Variants in KIFC2 observed in about 807,000 individuals in gnomAD.
The protein encoded by KIFC2 is kinesin-like protein KIFC2.
In KIFC2, 94 loss-of-function variants were observed where a neutral mutation model predicts 91.5. That is an observed-to-expected ratio of 1.03 (90% CI 0.87 to 1.22). KIFC2 has a LOEUF of 1.22. Among genes scored for constraint, KIFC2 ranks in the 50% most tolerant of loss-of-function variants. The probability of loss-of-function intolerance (pLI) is 0.00; values close to 1 mark genes in which losing one functional copy is unlikely to be tolerated. For missense variants in KIFC2, 1,357 were observed against 1,103.3 expected, an observed-to-expected ratio of 1.23 and a Z score of -3.26; for synonymous variants, 729 against 503.9, an observed-to-expected ratio of 1.45 and a Z score of -5.98.
intron 7 of KIFC2, 138 bp from the exon 8 acceptor site, chr8:144,468,191 G>A (rs916740442): frequency 9.8e-7 from 1 of 1,024,758 alleles, no homozygotes; most frequent in East Asian, 2.6e-5. Flanking sequence ...AGGGACTGTG[G>A]GAAGGAGGTC....
rs766006780 is a variant in KIFC2 at position 144,467,306 on chromosome 8, A to C, written c.434A>C (p.Gln145Pro). 1.9e-6 allele frequency: 3 copies of C among 1,612,358 alleles called. No individual in the cohort carries two copies. In the South Asian group the frequency reaches 3.3e-5, roughly 18 times the overall value. The change falls in exon 4 of 18, where the codon CAG becomes CCG. Residue 145 changes from glutamine (Q) to proline (P), a missense_variant. Coordinates refer to ENST00000645548, the MANE Select transcript of KIFC2 (RefSeq NM_001369769.2). Reference protein sequence around the residue: ...RGRQALLQGTQPAPRVRPPSP... With the variant: ...RGRQALLQGTPPAPRVRPPSP... ...AGGCAGGCCCTGCTCCAGGGGACTC[A>C]GCCAGCCCCTCGGGTCCGGCCCCCC...
At chr8:144,466,937 C>A (rs767316443) in intron 2 of KIFC2, 22 bp from the exon 3 acceptor site, 3 of 1,582,878 alleles carry the variant, frequency 1.9e-6, no homozygotes, top group African/African-American at 2.7e-5. Context: ...AAATGTCTCC[C>A]GCCCTCCTCC....
intron 14 of KIFC2, 28 bp downstream of exon 14, chr8:144,472,287 T>C: frequency 6.2e-7 from 1 of 1,613,346 alleles, no homozygotes; most frequent in Non-Finnish European, 8.5e-7. Context: ...GGAGGCCTTC[T>C]CCCCACCCCT....
rs1043981803 is a variant in KIFC2 at position 144,468,217 on chromosome 8, G to A, written c.811-112G>A. 3.2e-5 allele frequency: 35 copies of A among 1,098,744 alleles called. No homozygotes were observed. The African/African-American group carries it at 4.5e-4, about 14-fold the overall frequency. The allele number at this position is 1,098,744 out of a possible 1,614,324, so 68.1% of individuals were successfully genotyped here. ...GAAGGAGGTCTGCGTGGAGCTGGGA[G>A]GCATGGGTTCACAGCCAGCTCTGCC... On this transcript the variant is annotated intron_variant, in intron 7 of 17. Transcript: ENST00000645548.
In KIFC2 at chr8:144,468,452, T is replaced by C. The variant is rs532306654; in HGVS notation, c.888+46T>C. 4.6e-5 allele frequency: 64 copies of C among 1,405,166 alleles called. No individual in the cohort carries two copies. The South Asian group carries it at 7.3e-4, about 16-fold the overall frequency. 87.0% of individuals were successfully genotyped at this position (1,405,166 alleles called of 1,614,324 possible). Reference sequence around the variant, plus strand: ...TCCATGGCTCAGGGGTGAGGCGGGCTGGGGTTTTGGGAGGGGCTTATCTGA... The same window carrying C: ...TCCATGGCTCAGGGGTGAGGCGGGCCGGGGTTTTGGGAGGGGCTTATCTGA... On this transcript the variant is annotated intron_variant, in intron 8 of 17. Transcript: ENST00000645548.
chr8:144,466,768 C>G lies in KIFC2; in HGVS notation c.108C>G (p.Arg36=). The part of the protein sequence containing the change: ...AEPGDPAQRA[R]KPRGRRRPDL... ...CCCTGCCCCCTCCCTAGAGAGCCCG[C>G]AAGCCCCGGGGTCGCCGGCGCCCAG... The change falls in exon 2 of 18, where the codon CGC becomes CGG. Residue 36 remains arginine, a synonymous_variant. Coordinates refer to ENST00000645548, the MANE Select transcript of KIFC2 (RefSeq NM_001369769.2). 2 of 1,531,458 alleles carry G rather than the reference C, an allele frequency of 1.3e-6. No homozygotes were observed. The highest frequency in any genetic ancestry group is 2.3e-4 in the Middle Eastern group (1 of 4,358). 94.9% of individuals were successfully genotyped at this position (1,531,458 alleles called of 1,614,324 possible). A position where few individuals can be genotyped will look rare whatever the true frequency, so the allele number is the denominator to read the frequency against.
rs771546903 is a variant in KIFC2, at chr8:144,466,784, C to T, written c.124C>T (p.Arg42Trp). The T allele has an allele frequency of 2.6e-6, 4 of 1,533,666 alleles. No homozygotes were observed. Among genetic ancestry groups the T allele is most frequent in the East Asian group, 2.4e-5 (1 of 40,824 alleles). ...GAGAGCCCGCAAGCCCCGGGGTCGC[C>T]GGCGCCCAGACCTGCCCGCGCCAGA... ...AQRARKPRGR[R>W]RPDLPAPELW... is the part of the protein sequence containing the mutation. Residue 42 changes from arginine (R) to tryptophan (W), a missense_variant, in exon 2 of 18, where the codon CGG becomes TGG. Transcript: ENST00000645548.
chr8:144,468,098 G>A (rs1357293825), intron 7 of KIFC2, 111 bp downstream of exon 7: 3 of 1,366,724 alleles, frequency 2.2e-6, no homozygotes, highest in Admixed American at 2.8e-5. Flanking sequence ...GTCTGTGTAG[G>A]GCAGCCCCAT....
rs1825030860 is a variant in KIFC2, at chr8:144,473,518, C to T, written c.*129C>T. 2.2e-6 allele frequency: 3 copies of T among 1,359,338 alleles called. No homozygotes were observed. Among genetic ancestry groups the T allele is most frequent in the African/African-American group, 1.5e-5 (1 of 67,132 alleles). 84.2% of individuals were successfully genotyped at this position (1,359,338 alleles called of 1,614,324 possible). A position where few individuals can be genotyped will look rare whatever the true frequency, so the allele number is the denominator to read the frequency against. ...CCTCTTTGGATCCATTGCCCCTGAG[C>T]TCCCAGAGTCACCCCTCCACCTCCG... On this transcript the variant is annotated 3_prime_UTR_variant, in exon 18 of 18. Coordinates refer to ENST00000645548, the MANE Select transcript of KIFC2 (RefSeq NM_001369769.2).
chr8:144,468,235 G>A lies in KIFC2; in HGVS notation c.811-94G>A, dbSNP rs1295857187. Reference sequence around the variant, plus strand: ...GCTGGGAGGCATGGGTTCACAGCCAGCTCTGCCCACCTCTTGACTTGACTT... The same window carrying A: ...GCTGGGAGGCATGGGTTCACAGCCAACTCTGCCCACCTCTTGACTTGACTT... On this transcript the variant is annotated intron_variant, in intron 7 of 17. Transcript: ENST00000645548. The A allele has an allele frequency of 4.9e-6, 6 of 1,213,200 alleles. No homozygotes were observed. In the African/African-American group the frequency reaches 6.0e-5, roughly 12 times the overall value. The allele number at this position is 1,213,200 out of a possible 1,614,324, so 75.2% of individuals were successfully genotyped here. A position where few individuals can be genotyped will look rare whatever the true frequency, so the allele number is the denominator to read the frequency against.
intron 10 of KIFC2, 86 bp downstream of exon 10, chr8:144,468,920 G>C: frequency 9.0e-7 from 1 of 1,105,996 alleles, no homozygotes; most frequent in Non-Finnish European, 1.3e-6. Context: ...GGAGTTGGCT[G>C]TACTAATAAG....
At position 144,466,352 on chromosome 8, in the gene KIFC2, G is replaced by T; in HGVS notation, c.-68G>T. On this transcript the variant is annotated 5_prime_UTR_variant, in exon 1 of 18. Transcript: ENST00000645548. ...CATGCGCACCGGCACTGCGGCGGGC[G>T]GGCGCCGAGTCTGGGCGCGGGGACG... The T allele has an allele frequency of 1.8e-6, 1 of 556,518 alleles. No individual in the cohort carries two copies. The allele number at this position is 556,518 out of a possible 1,614,324, so 34.5% of individuals were successfully genotyped here.
chr8:144,466,660 G>T, intron 1 of KIFC2, 100 bp from the exon 2 acceptor site: 2 of 1,088,618 alleles, frequency 1.8e-6, no homozygotes, highest in South Asian at 1.8e-5. Flanking sequence ...GATGCTGGAA[G>T]CGTAGACTTC....
intron 10 of KIFC2, 121 bp downstream of exon 10, chr8:144,468,955 T>C: frequency 2.6e-6 from 2 of 762,092 alleles, no homozygotes; most frequent in South Asian, 3.4e-5. Flanking sequence ...CCAAACAGCT[T>C]CTGTGTGACC....
rs1222589889 is a variant in KIFC2 at position 144,466,745 on chromosome 8, C to T, written c.100-15C>T. ...CCTGCCCCCCTCCTCAGGGGCGCCC[C>T]TGCCCCCTCCCTAGAGAGCCCGCAA... On this transcript the variant is annotated splice_polypyrimidine_tract_variant and intron_variant, in intron 1 of 17. Transcript: ENST00000645548. 15 of 1,521,104 alleles carry T rather than the reference C, an allele frequency of 9.9e-6. No homozygotes were observed. Among genetic ancestry groups the T allele is most frequent in the Middle Eastern group, 4.6e-4 (2 of 4,310 alleles). 94.2% of individuals were successfully genotyped at this position (1,521,104 alleles called of 1,614,324 possible). A position where few individuals can be genotyped will look rare whatever the true frequency, so the allele number is the denominator to read the frequency against.
intron 2 of KIFC2, 39 bp from the exon 3 acceptor site, chr8:144,466,920 T>A (rs1482685477): frequency 3.2e-6 from 5 of 1,573,262 alleles, no homozygotes; most frequent in Non-Finnish European, 4.3e-6. Context: ...CTCAAGCACG[T>A]GACCCGAAAT....
At position 144,473,167 on chromosome 8, in the gene KIFC2, C is replaced by G. The variant is rs888715530; in HGVS notation, c.2154C>G (p.Val718=). The change falls in exon 18 of 18, where the codon GTC becomes GTG. Residue 718 remains valine, a synonymous_variant. Coordinates refer to ENST00000645548, the MANE Select transcript of KIFC2 (RefSeq NM_001369769.2). ...STRPEDLGET[V]CSLKFADRVG... The stretch of plus-strand genomic sequence containing the variant: ...GGCCGGAGGATCTCGGGGAGACAGT[C>G]TGCTCCCTCAAGTTCGCCGACCGAG... 3 of 1,575,536 alleles carry G rather than the reference C, an allele frequency of 1.9e-6. No homozygotes were observed. Among genetic ancestry groups the G allele is most frequent in the Admixed American group, 1.8e-5 (1 of 55,026 alleles).
Position 144,466,856 on chromosome 8 carries a change from G to C in KIFC2, c.178+18G>C, listed in dbSNP as rs570798756. The C allele has an allele frequency of 5.9e-6, 9 of 1,536,576 alleles. No homozygotes were observed. In the Admixed American group the frequency reaches 1.4e-4, roughly 23 times the overall value. Reference sequence around the variant, plus strand: ...CCTGGCCGGTAGGTGCGGGCTGGGAGTCCCGCGGTGCGAGGGCGGTGCCGG... The same window carrying C: ...CCTGGCCGGTAGGTGCGGGCTGGGACTCCCGCGGTGCGAGGGCGGTGCCGG... On this transcript the variant is annotated intron_variant, in intron 2 of 17. Transcript: ENST00000645548.
chr8:144,470,005 T>A (rs1476321295), intron 12 of KIFC2, among the ~76,000 whole-genome samples: 1 of 152,250 alleles, frequency 6.6e-6, no homozygotes, highest in African/African-American at 2.4e-5. Context: ...CTTGCCTGGA[T>A]CCCACTCTCC....
Sources: gnomAD v4.1 joint callset for allele counts (sites outside exome capture counted in the v4.1 genomes callset) on GRCh38, gnomAD v4.1.1 for gene constraint, MANE v1.5 for transcripts, NCBI Gene and HGNC (gene_info 2026-07-23, HGNC 2026-07-21) for gene names.